The following USP15 variants were observed in gnomAD, a reference collection of about 807,000 sequenced individuals.
USP15 encodes ubiquitin specific peptidase 15.
A neutral mutation model predicts 127.1 loss-of-function variants in USP15; 18 were observed. The observed-to-expected ratio is 0.14, with a 90% confidence interval of 0.10 to 0.21. USP15 has a LOEUF of 0.21. USP15 is among the 10% of genes least tolerant of loss of function. The probability of loss-of-function intolerance (pLI) is 1.00; values close to 1 mark genes in which losing one functional copy is unlikely to be tolerated. For missense variants in USP15, 805 were observed against 1,159.9 expected, an observed-to-expected ratio of 0.69 and a Z score of 4.44; for synonymous variants, 364 against 393.7, an observed-to-expected ratio of 0.92 and a Z score of 0.89.
intron 8 of USP15, among the ~76,000 whole-genome samples, chr12:62,364,023 G>C (rs940783313): frequency 2.0e-5 from 3 of 151,950 alleles, no homozygotes; most frequent in African/African-American, 7.3e-5. Flanking sequence ...ATAGACAGTT[G>C]GATATTCTAG....
chr12:62,314,678 C>G, intron 3 of USP15, 112 bp from the exon 4 acceptor site: 1 of 1,014,072 alleles, frequency 9.9e-7, no homozygotes, highest in Non-Finnish European at 1.3e-6. Context: ...TTAATAGTGA[C>G]TGGTTTTTCA....
At chr12:62,323,613 A>G (rs2137290420) in intron 5 of USP15, among the ~76,000 whole-genome samples, 1 of 152,316 alleles carries the variant, frequency 6.6e-6, no homozygotes, top group Non-Finnish European at 1.5e-5. Flanking sequence ...CCGCCCTTTT[A>G]TGTAGCCAGC....
At chr12:62,276,193 A>C (rs1476629787) in intron 1 of USP15, among the ~76,000 whole-genome samples, 1 of 152,144 alleles carries the variant, frequency 6.6e-6, no homozygotes, top group African/African-American at 2.4e-5. Flanking sequence ...TAGATTATAC[A>C]TTGGTACATT....
intron 1 of USP15, among the ~76,000 whole-genome samples, chr12:62,265,587 C>T (rs888438700): frequency 6.6e-6 from 1 of 152,178 alleles, no homozygotes; most frequent in Non-Finnish European, 1.5e-5. Flanking sequence ...CGCTTCATCA[C>T]CCAGGCTGGA....
intron 9 of USP15, 67 bp downstream of exon 9, chr12:62,381,730 G>C: frequency 6.7e-7 from 1 of 1,502,220 alleles, no homozygotes; most frequent in Non-Finnish European, 9.0e-7. Flanking sequence ...CTTGGGGATA[G>C]GGGGAGTGAA....
chr12:62,396,093 C>T (rs527535164), intron 19 of USP15, among the ~76,000 whole-genome samples: 2 of 151,796 alleles, frequency 1.3e-5, no homozygotes, highest in Non-Finnish European at 2.9e-5. Context: ...ATTAATATCT[C>T]AGAGGTACAT....
chr12:62,284,105 A>G (rs960470928), intron 1 of USP15, among the ~76,000 whole-genome samples: 4 of 152,202 alleles, frequency 2.6e-5, no homozygotes, highest in Admixed American at 1.3e-4. Flanking sequence ...AAATTTATTG[A>G]AAGACATTAA....
rs1348527334 is a variant in USP15 at position 62,363,695 on chromosome 12, G to A, written c.915+8220G>A. 4.6e-5 allele frequency among the ~76,000 whole-genome samples: 7 copies of A among 151,496 alleles called. No homozygotes were observed. The South Asian group carries it at 6.3e-4, about 14-fold the overall frequency. ...CACCCTCTCCCCGCGTCCCCACCCC[G>A]TGCTCTCTCTCTCCCTCTCTCCCTC... On this transcript the variant is annotated intron_variant, in intron 8 of 21. Transcript: ENST00000280377.
intron 9 of USP15, 90 bp from the exon 10 acceptor site, chr12:62,383,750 G>T: frequency 7.5e-7 from 1 of 1,340,320 alleles, no homozygotes; most frequent in South Asian, 1.7e-5. Flanking sequence ...CACAAATGTG[G>T]AATCCATGAA....
chr12:62,344,133 A>G (rs1164601771), intron 6 of USP15, among the ~76,000 whole-genome samples: 1 of 152,194 alleles, frequency 6.6e-6, no homozygotes, highest in Non-Finnish European at 1.5e-5. Flanking sequence ...TTTCAGCATT[A>G]ACTCAGAAGT....
intron 8 of USP15, among the ~76,000 whole-genome samples, chr12:62,364,194 G>A (rs917236079): frequency 2.6e-5 from 4 of 152,118 alleles, no homozygotes; most frequent in African/African-American, 9.7e-5. Context: ...ATGAGACTTC[G>A]TTTGCAATAG....
chr12:62,363,939 TGGGGA>T (rs2066395761), intron 8 of USP15, among the ~76,000 whole-genome samples: 1 of 151,670 alleles, frequency 6.6e-6, no homozygotes, highest in South Asian at 2.1e-4. Context: ...AAATTTGGGG[TGGGGA>T]GGAGATTATG....
At chr12:62,269,237 G>A (rs913692118) in intron 1 of USP15, among the ~76,000 whole-genome samples, 7 of 151,974 alleles carry the variant, frequency 4.6e-5, no homozygotes, top group African/African-American at 1.5e-4. Flanking sequence ...TACCTAGGAT[G>A]TATTGCCTAT....
At chr12:62,338,679 T>A (rs948547512) in intron 6 of USP15, among the ~76,000 whole-genome samples, 3 of 152,256 alleles carry the variant, frequency 2.0e-5, no homozygotes, top group Admixed American at 2.0e-4. Flanking sequence ...GTTTCTGTTT[T>A]CTGCATATGG....
At chr12:62,260,606 C>G in intron 1 of USP15, 103 bp downstream of exon 1, 1 of 1,120,010 alleles carries the variant, frequency 8.9e-7, no homozygotes, top group Non-Finnish European at 1.3e-6. Context: ...GCGGGCAGGT[C>G]CGGCGGCGGC....
chr12:62,385,762 A>G (rs1288956119), intron 11 of USP15, among the ~76,000 whole-genome samples: 2 of 152,098 alleles, frequency 1.3e-5, no homozygotes, highest in Admixed American at 6.6e-5. Context: ...GTGAGAAACT[A>G]TAACAGTGCC....
At chr12:62,403,880 A>G (rs983027896) in intron 21 of USP15, among the ~76,000 whole-genome samples, 1 of 152,042 alleles carries the variant, frequency 6.6e-6, no homozygotes, top group African/African-American at 2.4e-5. Context: ...GGTAGGAAAG[A>G]AAGCATAGAA....
At chr12:62,269,080 A>G (rs375733555) in intron 1 of USP15, among the ~76,000 whole-genome samples, 11 of 152,120 alleles carry the variant, frequency 7.2e-5, no homozygotes, top group East Asian at 3.9e-4. Context: ...GCATATATCA[A>G]TGTTTATTTT....
chr12:62,390,048 TAATAAA>T, intron 14 of USP15, 60 bp downstream of exon 14: 1 of 1,405,138 alleles, frequency 7.1e-7, no homozygotes, highest in South Asian at 1.6e-5. Flanking sequence ...ATAAAATAGC[TAATAAA>T]AATAAACACA....
Sources: allele counts gnomAD v4.1 joint callset (sites outside exome capture counted in the v4.1 genomes callset), GRCh38; gene constraint gnomAD v4.1.1; transcripts MANE v1.5; gene names NCBI Gene and HGNC (gene_info 2026-07-23, HGNC 2026-07-21).